The following TRMT1L variants were observed in gnomAD, a reference collection of about 807,000 sequenced individuals.
TRMT1L encodes tRNA (guanine(27)-N(2))-dimethyltransferase.
Under a neutral mutation model 81.6 loss-of-function variants are expected in TRMT1L, and 28 were observed. The ratio of observed to expected loss-of-function variants is 0.34; its 90% confidence interval spans 0.25 to 0.47. The LOEUF is 0.47. Ranked by LOEUF, TRMT1L falls within the 20% of genes least tolerant of loss-of-function variation. The pLI, the probability that TRMT1L is intolerant of heterozygous loss-of-function variation, is 1.00. For missense variants in TRMT1L, 739 were observed against 877.1 expected, an observed-to-expected ratio of 0.84 and a Z score of 1.99; for synonymous variants, 301 against 303.2, an observed-to-expected ratio of 0.99 and a Z score of 0.07.
chr1:185,149,422 C>T (rs1653281086), intron 3 of TRMT1L, among the ~76,000 whole-genome samples: 1 of 151,926 alleles, frequency 6.6e-6, no homozygotes, highest in African/African-American at 2.4e-5. Context: ...ACCACCTGAG[C>T]CTCTCTAGCA....
rs1377975233 is a variant in TRMT1L, at chr1:185,120,139, G to C, written c.2082C>G (p.Pro694=). Residue 694 remains proline, a synonymous_variant, in exon 15 of 15, where the codon CCC becomes CCG. Coordinates refer to ENST00000367506, the MANE Select transcript of TRMT1L (RefSeq NM_030934.5). ...FKSILLKYST[P]TYTGGQSESH... ...TTTCTGACTGTCCTCCAGTGTAGGT[G>C]GGGGTGCTGTACTTTAAAAGGATAG... The C allele has an allele frequency of 1.2e-6, 2 of 1,613,926 alleles. No individual in the cohort carries two copies.
intron 1 of TRMT1L, among the ~76,000 whole-genome samples, chr1:185,152,425 T>C (rs543149177): frequency 6.6e-6 from 1 of 152,212 alleles, no homozygotes; most frequent in South Asian, 2.1e-4. Context: ...ATGTGGTATG[T>C]TTGGGGGGAT....
chr1:185,144,098 AAC>A (rs1456959026), intron 5 of TRMT1L, 69 bp from the exon 6 acceptor site: 46 of 1,405,184 alleles, frequency 3.3e-5, no homozygotes, highest in Admixed American at 1.2e-4. Context: ...TTTCCAAGAA[AAC>A]ACAAAATAAT....
intron 4 of TRMT1L, among the ~76,000 whole-genome samples, chr1:185,146,582 A>G (rs1201202555): frequency 3.3e-5 from 5 of 152,018 alleles, no homozygotes; most frequent in Non-Finnish European, 7.4e-5. Flanking sequence ...TGTCAACACT[A>G]TACTGCTTTT....
chr1:185,125,206 TA>T, intron 11 of TRMT1L, 96 bp from the exon 12 acceptor site: 2 of 794,104 alleles, frequency 2.5e-6, no homozygotes, highest in South Asian at 5.7e-5. Context: ...GATATATAAT[TA>T]ATTATATGAC....
chr1:185,145,399 G>A (rs940672539), intron 5 of TRMT1L, 40 bp downstream of exon 5: 54 of 1,562,070 alleles, frequency 3.5e-5, no homozygotes, highest in Non-Finnish European at 4.6e-5. Context: ...ATTATTTAAG[G>A]ATTTACATAT....
At chr1:185,138,618 A>G (rs1294826951) in intron 9 of TRMT1L, among the ~76,000 whole-genome samples, 2 of 152,224 alleles carry the variant, frequency 1.3e-5, no homozygotes, top group African/African-American at 4.8e-5. Flanking sequence ...GTGCTCAAAA[A>G]AAGTCATCCT....
intron 2 of TRMT1L, 53 bp downstream of exon 2, chr1:185,151,772 G>C: frequency 8.5e-7 from 1 of 1,182,470 alleles, no homozygotes; most frequent in Non-Finnish European, 1.2e-6. Context: ...TGAATTGAAA[G>C]ATGATAAATT....
intron 13 of TRMT1L, 73 bp from the exon 14 acceptor site, chr1:185,120,582 A>C: frequency 1.6e-6 from 2 of 1,286,832 alleles, no homozygotes; most frequent in Non-Finnish European, 2.0e-6. Context: ...CTATATATTT[A>C]TCTCAAGTAT....
At chr1:185,131,893 C>G (rs567309109) in intron 10 of TRMT1L, among the ~76,000 whole-genome samples, 12 of 152,162 alleles carry the variant, frequency 7.9e-5, no homozygotes, top group Non-Finnish European at 1.8e-4. Context: ...GTAATCCCAG[C>G]ACTTTGGGGA....
chr1:185,140,197 T>C lies in TRMT1L; in HGVS notation c.885A>G (p.Lys295=). The C allele has an allele frequency of 6.2e-7, 1 of 1,613,652 alleles. No individual in the cohort carries two copies. Among genetic ancestry groups the C allele is most frequent in the East Asian group, 2.2e-5 (1 of 44,764 alleles). The part of the protein sequence containing the change: ...ATGIMGLQWA[K]HLGNAVKVTI... ...TAACTTTGACTGCATTTCCAAGATGTTTTGCCCACTGTAATCCCATTATCC... is the reference window on the plus strand; with the variant it reads ...TAACTTTGACTGCATTTCCAAGATGCTTTGCCCACTGTAATCCCATTATCC... Residue 295 remains lysine (K), a synonymous_variant, in exon 8 of 15, where the codon AAA becomes AAG. Transcript: ENST00000367506.
chr1:185,121,136 A>C (rs1652490988), intron 13 of TRMT1L, among the ~76,000 whole-genome samples: 1 of 152,234 alleles, frequency 6.6e-6, no homozygotes. Flanking sequence ...GCCAGCTAAG[A>C]TTCTAGAACT....
At chr1:185,125,282 T>C (rs12067144) in intron 11 of TRMT1L, among the ~76,000 whole-genome samples, 172 bp from the exon 12 acceptor site, 22 of 152,210 alleles carry the variant, frequency 1.4e-4, no homozygotes, top group African/African-American at 5.1e-4. Context: ...TTCTTTATTA[T>C]TATTATTCTT....
chr1:185,132,325 C>T (rs1652791398), intron 10 of TRMT1L, among the ~76,000 whole-genome samples: 2 of 151,918 alleles, frequency 1.3e-5, no homozygotes, highest in South Asian at 2.1e-4. Flanking sequence ...CCAGACCAGC[C>T]TGGCCAACAT....
intron 5 of TRMT1L, 109 bp from the exon 6 acceptor site, chr1:185,144,138 A>G (rs1351754376): frequency 3.6e-6 from 4 of 1,116,362 alleles, no homozygotes; most frequent in East Asian, 5.5e-5. Flanking sequence ...ATAAATATAC[A>G]TTTTGAAAAA....
In TRMT1L at chr1:185,147,234, C is replaced by T; in HGVS notation, c.473G>A (p.Cys158Tyr). The change falls in exon 4 of 15, where the codon TGC (cysteine) becomes TAC (tyrosine). Residue 158 changes from cysteine to tyrosine, a missense_variant. Cys to Tyr is a radical substitution (Grantham distance 194). Coordinates refer to ENST00000367506, the MANE Select transcript of TRMT1L (RefSeq NM_030934.5). ...TGGTCGACAAGGTAAGTGACAGATG[C>T]ACATCCTGTAACCTAAAATAAAGAA... is the stretch of plus-strand genomic sequence containing the variant. ...VSVEFEGYRMCICHLPCRPVK... is the reference protein window; with the variant it reads ...VSVEFEGYRMYICHLPCRPVK... 6.2e-7 allele frequency: 1 copy of T among 1,606,752 alleles called. No individual in the cohort carries two copies. Among genetic ancestry groups the T allele is most frequent in the Non-Finnish European group, 8.5e-7 (1 of 1,175,396 alleles).
chr1:185,156,940 C>T lies in TRMT1L; in HGVS notation c.-228G>A. ...TCCAGATGCCCGTCCGCTTCCCTTT[C>T]CCCGAGGCGTTACGACGCCACCACA... On this transcript the variant is annotated 5_prime_UTR_variant, in exon 1 of 15. Transcript: ENST00000367506. 1 of 609,848 alleles carries T rather than the reference C, an allele frequency of 1.6e-6. No individual in the cohort carries two copies. The highest frequency in any genetic ancestry group is 2.7e-6 in the Non-Finnish European group (1 of 367,020). The allele number at this position is 609,848 out of a possible 1,614,324, so 37.8% of individuals were successfully genotyped here.
chr1:185,143,641 G>A (rs1008235458), intron 6 of TRMT1L, among the ~76,000 whole-genome samples: 7 of 152,012 alleles, frequency 4.6e-5, no homozygotes, highest in African/African-American at 9.7e-5. Context: ...CTATTAACAA[G>A]TATTTATTTA....
At chr1:185,131,916 A>C (rs367606295) in intron 10 of TRMT1L, among the ~76,000 whole-genome samples, 13 of 151,896 alleles carry the variant, frequency 8.6e-5, no homozygotes, top group African/African-American at 3.1e-4. Flanking sequence ...CGAGGTAGGC[A>C]GATCACTTGA....
Sources: allele counts gnomAD v4.1 joint callset (sites outside exome capture counted in the v4.1 genomes callset), GRCh38; gene constraint gnomAD v4.1.1; transcripts MANE v1.5; gene names NCBI Gene and HGNC (gene_info 2026-07-23, HGNC 2026-07-21).